The following MCTP1 variants were observed in gnomAD, a reference collection of about 807,000 sequenced individuals.
MCTP1 encodes the protein multiple C2 and transmembrane domain-containing protein 1.
Under a neutral mutation model 120.6 loss-of-function variants are expected in MCTP1, and 69 were observed. That is an observed-to-expected ratio of 0.57 (90% CI 0.47 to 0.70). The LOEUF is 0.70. Ranked by LOEUF, MCTP1 falls within the 30% of genes least tolerant of loss-of-function variation. The pLI, the probability that MCTP1 is intolerant of heterozygous loss-of-function variation, is 0.00. For synonymous variants in MCTP1, 529 were observed against 493.1 expected, an observed-to-expected ratio of 1.07 and a Z score of -0.96; for missense variants, 1,203 against 1,248.8, an observed-to-expected ratio of 0.96 and a Z score of 0.55.
chr5:94,804,735 G>C (rs530051146), intron 17 of MCTP1, among the ~76,000 whole-genome samples: 1 of 152,278 alleles, frequency 6.6e-6, no homozygotes, highest in South Asian at 2.1e-4. Context: ...ACCACACCAG[G>C]CCTATGCTTT....
At chr5:95,111,228 G>A (rs1415176805) in intron 1 of MCTP1, among the ~76,000 whole-genome samples, 2 of 152,122 alleles carry the variant, frequency 1.3e-5, no homozygotes, top group East Asian at 3.8e-4. Flanking sequence ...AATGTTCATT[G>A]TCTATTTTGC....
At chr5:94,815,376 T>C (rs1784305983) in intron 17 of MCTP1, among the ~76,000 whole-genome samples, 1 of 152,206 alleles carries the variant, frequency 6.6e-6, no homozygotes, top group Non-Finnish European at 1.5e-5. Context: ...TTTCCCCTTC[T>C]TTCTACAGCC....
intron 2 of MCTP1, among the ~76,000 whole-genome samples, chr5:94,963,177 ACAGT>A (rs1356991082): frequency 2.0e-5 from 3 of 152,072 alleles, no homozygotes; most frequent in Non-Finnish European, 4.4e-5. Context: ...AGGAAAACAT[ACAGT>A]CAAACTATAG....
intron 10 of MCTP1, among the ~76,000 whole-genome samples, chr5:94,906,211 G>T (rs535337567): frequency 6.6e-6 from 1 of 152,014 alleles, no homozygotes; most frequent in Non-Finnish European, 1.5e-5. Context: ...GGGGCTGGGC[G>T]CAGTGGCTCA....
At chr5:95,052,958 A>C (rs1746404502) in intron 1 of MCTP1, among the ~76,000 whole-genome samples, 1 of 152,212 alleles carries the variant, frequency 6.6e-6, no homozygotes, top group East Asian at 1.9e-4. Flanking sequence ...CTCAACAGGG[A>C]AAAGCACTTT....
intron 1 of MCTP1, among the ~76,000 whole-genome samples, chr5:95,127,413 G>T (rs1323697942): frequency 6.6e-6 from 1 of 152,172 alleles, no homozygotes; most frequent in African/African-American, 2.4e-5. Flanking sequence ...TGCCAGGGCA[G>T]ATTCTGGGGG....
At chr5:94,826,419 G>C in intron 17 of MCTP1, 1 of 656,812 alleles carries the variant, frequency 1.5e-6, no homozygotes, top group Non-Finnish European at 2.8e-6. Flanking sequence ...CTCTGATCCT[G>C]ATGACAAATG....
intron 1 of MCTP1, among the ~76,000 whole-genome samples, chr5:95,172,975 A>G (rs1747521959): frequency 6.6e-6 from 1 of 152,136 alleles, no homozygotes; most frequent in Non-Finnish European, 1.5e-5. Flanking sequence ...CAGATTATAG[A>G]CCATATTAAT....
At chr5:94,942,865 T>G (rs1272831446) in intron 3 of MCTP1, among the ~76,000 whole-genome samples, 1 of 152,080 alleles carries the variant, frequency 6.6e-6, no homozygotes, top group East Asian at 1.9e-4. Context: ...AGTAAAAAGA[T>G]ACTATGATTA....
intron 19 of MCTP1, among the ~76,000 whole-genome samples, chr5:94,776,993 A>G (rs1265595030): frequency 6.6e-6 from 1 of 151,838 alleles, no homozygotes; most frequent in African/African-American, 2.4e-5. Flanking sequence ...CCTACTGTAA[A>G]TTATTACATT....
At chr5:94,945,064 G>A (rs761391300) in intron 3 of MCTP1, among the ~76,000 whole-genome samples, 2 of 152,104 alleles carry the variant, frequency 1.3e-5, no homozygotes, top group Non-Finnish European at 2.9e-5. Context: ...AGGAAGACAC[G>A]AGATTCAAAT....
intron 19 of MCTP1, among the ~76,000 whole-genome samples, chr5:94,771,870 T>C (rs1774159994): frequency 6.6e-6 from 1 of 152,196 alleles, no homozygotes; most frequent in African/African-American, 2.4e-5. Context: ...AAGTCTGAAA[T>C]GAGTCTCACT....
Position 94,873,161 on chromosome 5 carries a change from C to G in MCTP1, c.2014G>C (p.Glu672Gln), listed in dbSNP as rs752810491. 6.2e-7 allele frequency: 1 copy of G among 1,604,018 alleles called. No individual in the cohort carries two copies. Among genetic ancestry groups the G allele is most frequent in the South Asian group, 1.1e-5 (1 of 90,810 alleles). Residue 672 changes from glutamate (E) to glutamine (Q), a missense_variant, in exon 13 of 23, where the codon GAG becomes CAG. Transcript: ENST00000515393. The stretch of plus-strand genomic sequence containing the variant: ...TACAACGTGAAGACTTTATTCCACT[C>G]AGGATTGAGATTTTTGTAGACAGTA... ...THTVYKNLNP[E>Q]WNKVFTFNIK...
chr5:94,912,723 A>G (rs1242890009), intron 9 of MCTP1, 83 bp downstream of exon 9: 1 of 1,061,772 alleles, frequency 9.4e-7, no homozygotes, highest in Non-Finnish European at 1.3e-6. Context: ...AACATTATCT[A>G]GTGGTTTCAT....
chr5:94,738,496 T>G (rs1764786580), intron 19 of MCTP1, among the ~76,000 whole-genome samples: 1 of 152,188 alleles, frequency 6.6e-6, no homozygotes, highest in Admixed American at 6.5e-5. Flanking sequence ...CTCACCAGCC[T>G]GTCCCCCCAT....
At chr5:95,093,797 T>C (rs188191364) in intron 1 of MCTP1, among the ~76,000 whole-genome samples, 44 of 152,316 alleles carry the variant, frequency 2.9e-4, no homozygotes, top group Middle Eastern at 3.4e-3. Context: ...ATTGTGACTA[T>C]AGCAAAAGTG....
intron 16 of MCTP1, among the ~76,000 whole-genome samples, chr5:94,868,786 A>C (rs1297315364): frequency 6.6e-6 from 1 of 151,902 alleles, no homozygotes; most frequent in Non-Finnish European, 1.5e-5. Context: ...CTTAAACCTT[A>C]TTGTGGTTTT....
At chr5:95,241,401 A>G (rs1300369901) in intron 1 of MCTP1, among the ~76,000 whole-genome samples, 1 of 152,190 alleles carries the variant, frequency 6.6e-6, no homozygotes, top group African/African-American at 2.4e-5. Flanking sequence ...AGAAGTCTGC[A>G]TAGGAAGATA....
At chr5:94,765,801 T>C (rs150169930) in intron 19 of MCTP1, among the ~76,000 whole-genome samples, 2,469 of 145,208 alleles carry the variant, frequency 0.017, 55 homozygotes, top group African/African-American at 0.059. Context: ...AAAGATAAAA[T>C]TAAGCCGTTA....
Sources: allele counts gnomAD v4.1 joint callset (sites outside exome capture counted in the v4.1 genomes callset), GRCh38; gene constraint gnomAD v4.1.1; transcripts MANE v1.5; gene names NCBI Gene and HGNC (gene_info 2026-07-23, HGNC 2026-07-21).